Variants in RELN observed in about 807,000 individuals in gnomAD.
The protein encoded by RELN is reelin.
In RELN, 108 loss-of-function variants were observed where a neutral mutation model predicts 427.6. The observed-to-expected ratio is 0.25, with a 90% confidence interval of 0.22 to 0.30. The LOEUF is 0.30. Among genes scored for constraint, RELN ranks in the 10% least tolerant of loss-of-function variants. The pLI is 1.00. For synonymous variants in RELN, 1,524 were observed against 1,513.4 expected (o/e 1.01, Z -0.16); for missense variants, 3,715 against 4,302.8 (o/e 0.86, Z 3.82).
At position 103,610,665 on chromosome 7, in the gene RELN, T is replaced by C. The variant is rs370146263; in HGVS notation, c.3008+30A>G. 4.4e-4 allele frequency: 475 copies of C among 1,067,806 alleles called. 3 individuals are homozygous for C. The highest frequency in any genetic ancestry group is 6.6e-5 in the Non-Finnish European group (45 of 682,456). 66.1% of individuals were successfully genotyped at this position (1,067,806 alleles called of 1,614,324 possible). ...TCAAAAGGGATAGTCAAAGTTAAAG[T>C]GACAGCCATATCTAAAGATGTCATC... On this transcript the variant is annotated intron_variant, in intron 22 of 64. Transcript: ENST00000428762.
At chr7:103,483,625 A>AC (rs1828318907) in intron 62 of RELN, 28 bp downstream of exon 62, 1 of 1,605,632 alleles carries the variant, frequency 6.2e-7, no homozygotes, top group African/African-American at 1.3e-5. Context: ...TGTGCATGAG[A>AC]CCATGCCTTT....
At chr7:103,675,992 T>C (rs548100339) in intron 11 of RELN, among the ~76,000 whole-genome samples, 2 of 152,008 alleles carry the variant, frequency 1.3e-5, no homozygotes, top group Non-Finnish European at 2.9e-5. Flanking sequence ...GGACTTCATG[T>C]CTAAAACACC....
At chr7:103,479,361 T>G (rs1028889435) in intron 63 of RELN, among the ~76,000 whole-genome samples, 2 of 152,162 alleles carry the variant, frequency 1.3e-5, no homozygotes, top group African/African-American at 4.8e-5. Context: ...TCAGAGAAAT[T>G]AGGTTTCTGA....
chr7:103,483,207 T>C (rs1027709407), intron 62 of RELN, among the ~76,000 whole-genome samples: 6 of 152,210 alleles, frequency 3.9e-5, no homozygotes, highest in African/African-American at 1.2e-4. Flanking sequence ...GTTCCATTAA[T>C]ATCCAGAAGA....
chr7:103,605,538 T>G (rs1831798698), intron 22 of RELN, among the ~76,000 whole-genome samples: 1 of 152,230 alleles, frequency 6.6e-6, no homozygotes, highest in African/African-American at 2.4e-5. Flanking sequence ...AAAACATTCT[T>G]TTAAAATTAT....
chr7:103,798,893 G>C (rs1792376141), intron 3 of RELN, among the ~76,000 whole-genome samples: 1 of 152,162 alleles, frequency 6.6e-6, no homozygotes, highest in Admixed American at 6.5e-5. Flanking sequence ...TTCTGTGTTA[G>C]CTACCAAAAT....
intron 1 of RELN, among the ~76,000 whole-genome samples, chr7:103,940,631 G>C (rs1046749486): frequency 2.0e-4 from 30 of 152,166 alleles, no homozygotes; most frequent in Admixed American, 1.1e-3. Context: ...TCCAGGGCTG[G>C]CCTGGGAGCA....
chr7:103,938,660 T>C (rs1376550403), intron 1 of RELN, among the ~76,000 whole-genome samples: 3 of 152,222 alleles, frequency 2.0e-5, no homozygotes, highest in Non-Finnish European at 4.4e-5. Context: ...TCCAACATTA[T>C]TTATTTTTCA....
chr7:103,777,032 A>G (rs2116213838), intron 3 of RELN, among the ~76,000 whole-genome samples: 1 of 152,328 alleles, frequency 6.6e-6, no homozygotes, highest in East Asian at 1.9e-4. Context: ...TGAAATCAAT[A>G]GTCACCGTAA....
At chr7:103,589,507 G>T in intron 28 of RELN, 89 bp downstream of exon 28, 1 of 875,206 alleles carries the variant, frequency 1.1e-6, no homozygotes, top group South Asian at 1.4e-5. Context: ...TCGGGGTTTT[G>T]ATCTTTCAGG....
In RELN at chr7:103,966,112, G is replaced by A. The variant is rs539310937; in HGVS notation, c.226+23019C>T. On this transcript the variant is annotated intron_variant, in intron 1 of 64. Coordinates refer to ENST00000428762, the MANE Select transcript of RELN (RefSeq NM_005045.4). The stretch of plus-strand genomic sequence containing the variant: ...TATGGCATATTTCTGGTCACAAAAA[G>A]TCACCAAACTTCTAAATAAAGACAA... Among the ~76,000 whole-genome samples, 16 of 152,230 alleles carry A rather than the reference G, an allele frequency of 1.1e-4. No homozygotes were observed. In the East Asian group the frequency reaches 2.7e-3, roughly 26 times the overall value.
At chr7:103,957,863 T>C (rs1043882277) in intron 1 of RELN, among the ~76,000 whole-genome samples, 5 of 152,190 alleles carry the variant, frequency 3.3e-5, no homozygotes, top group African/African-American at 1.2e-4. Context: ...TGTACCTTAA[T>C]AGCAGATTTA....
At chr7:103,909,755 TA>T (rs1177060440) in intron 2 of RELN, among the ~76,000 whole-genome samples, 1 of 85,476 alleles carries the variant, frequency 1.2e-5, no homozygotes, top group Non-Finnish European at 1.9e-5. Context: ...ATATATATAT[TA>T]AATATATATA....
intron 10 of RELN, among the ~76,000 whole-genome samples, chr7:103,688,024 A>C (rs895893997): frequency 2.3e-4 from 35 of 152,248 alleles, no homozygotes; most frequent in African/African-American, 8.2e-4. Context: ...TTAGCTTAAC[A>C]AATTATATTC....
chr7:103,498,977 T>TGACA, intron 53 of RELN, among the ~76,000 whole-genome samples: 1 of 152,296 alleles, frequency 6.6e-6, no homozygotes, highest in Non-Finnish European at 1.5e-5. Context: ...ACTTTCCCCC[T>TGACA]GACATTCCCC....
intron 1 of RELN, among the ~76,000 whole-genome samples, chr7:103,961,706 T>G (rs1796558825): frequency 6.6e-6 from 1 of 152,202 alleles, no homozygotes; most frequent in Admixed American, 6.5e-5. Context: ...TTATTACCTC[T>G]AAGGCCTTGG....
At chr7:103,893,063 G>A (rs1349997457) in intron 2 of RELN, among the ~76,000 whole-genome samples, 1 of 152,138 alleles carries the variant, frequency 6.6e-6, no homozygotes. Context: ...CCAAGTTCAT[G>A]GGTAGAGGAG....
At chr7:103,670,440 G>A (rs1012063) in intron 11 of RELN, among the ~76,000 whole-genome samples, 47,565 of 151,834 alleles carry the variant, frequency 0.31, 7,580 homozygotes, top group African/African-American at 0.38. Context: ...AATAATGAAG[G>A]TCTATATTTA....
intron 1 of RELN, among the ~76,000 whole-genome samples, chr7:103,978,070 T>C (rs1459896274): frequency 1.3e-5 from 2 of 149,150 alleles, no homozygotes; most frequent in Non-Finnish European, 2.9e-5. Context: ...TTATCTTAAA[T>C]TAATCAAAGA....
Sources: allele counts gnomAD v4.1 joint callset (sites outside exome capture counted in the v4.1 genomes callset), GRCh38; gene constraint gnomAD v4.1.1; transcripts MANE v1.5; gene names NCBI Gene and HGNC (gene_info 2026-07-23, HGNC 2026-07-21).